Variants in NOTCH3 observed in about 807,000 individuals in gnomAD.
NOTCH3 encodes notch receptor 3, also known as neurogenic locus notch homolog protein 3.
NOTCH3 carries 86 observed loss-of-function variants against 213.3 expected under a neutral mutation model. That is an observed-to-expected ratio of 0.40 (90% CI 0.34 to 0.48). NOTCH3 has a LOEUF of 0.48. NOTCH3 is among the 20% of genes least tolerant of loss of function. The pLI, the probability that NOTCH3 is intolerant of heterozygous loss-of-function variation, is 0.57. For missense variants in NOTCH3, 2,783 were observed against 3,272.6 expected (o/e 0.85, Z 3.65); for synonymous variants, 1,354 against 1,355.9 (o/e 1.00, Z 0.03).
chr19:15,180,945 C>T lies in NOTCH3; in HGVS notation c.2994+16G>A, dbSNP rs749204482. On this transcript the variant is annotated intron_variant, in intron 18 of 32. Coordinates refer to ENST00000263388, the MANE Select transcript of NOTCH3 (RefSeq NM_000435.3). ...CAGGCAGGCTCCTCCCCCAGGTCCC[C>T]AGTAACTCCACCCACCTGGCACTGC... is the stretch of plus-strand genomic sequence containing the variant. The T allele has an allele frequency of 6.3e-7, 1 of 1,586,380 alleles. No homozygotes were observed. The highest frequency in any genetic ancestry group is 8.6e-7 in the Non-Finnish European group (1 of 1,167,410).
chr19:15,180,050 C>T (rs758398917), intron 20 of NOTCH3, 22 bp downstream of exon 20: 11 of 1,565,288 alleles, frequency 7.0e-6, no homozygotes, highest in Non-Finnish European at 8.8e-7. Flanking sequence ...CCTCTTCCCT[C>T]TCCTGGGGAG....
Position 15,161,611 on chromosome 19 carries a change from C to T in NOTCH3, c.6017G>A (p.Arg2006Lys). 6.2e-7 allele frequency: 1 copy of T among 1,613,304 alleles called. No homozygotes were observed. Among genetic ancestry groups the T allele is most frequent in the Non-Finnish European group, 8.5e-7 (1 of 1,179,748 alleles). ...ANREITDHLD[R>K]LPRDVAQERL... ...CTCCTGGGCTACGTCCCGCGGCAGC[C>T]TGTCCAGGTGGTCGGTGATCTCACG... The change falls in exon 33 of 33, where the codon AGG becomes AAG. Residue 2006 changes from arginine to lysine, a missense_variant. Around this residue, in one of 6 missense-constraint regions of NOTCH3, gnomAD observed 441 missense variants for 432.1 expected, o/e 1.02. Transcript: ENST00000263388.
chr19:15,188,847 A>G (rs2046904910), intron 8 of NOTCH3, 142 bp downstream of exon 8: 1 of 810,274 alleles, frequency 1.2e-6, no homozygotes, highest in Non-Finnish European at 2.0e-6. Context: ...TCTGGTCCTG[A>G]CCCCACCTCC....
At chr19:15,183,984 A>G (rs1408083472) in intron 16 of NOTCH3, among the ~76,000 whole-genome samples, 1 of 141,008 alleles carries the variant, frequency 7.1e-6, no homozygotes, top group Non-Finnish European at 1.5e-5. Flanking sequence ...CAGAGGTTGC[A>G]GTGAGCGATG....
At position 15,192,448 on chromosome 19, in the gene NOTCH3, C is replaced by T. The variant is rs754726425; in HGVS notation, c.269G>A (p.Arg90His). 47 of 1,612,488 alleles carry T rather than the reference C, an allele frequency of 2.9e-5. No homozygotes were observed. Among genetic ancestry groups the T allele is most frequent in the East Asian group, 1.1e-4 (5 of 44,880 alleles). ...DPCHSGPCAG[R>H]GVCQSSVVAG... The stretch of plus-strand genomic sequence containing the variant: ...CACCACTGAACTCTGGCAGACACCA[C>T]GGCCAGCACAGGGGCCTGAGTGACA... The change falls in exon 3 of 33, where the codon CGT becomes CAT. Residue 90 changes from arginine (R) to histidine (H), a missense_variant. By Grantham distance (29) the Arg-to-His change is conservative (BLOSUM62 0). Coordinates refer to ENST00000263388, the MANE Select transcript of NOTCH3 (RefSeq NM_000435.3).
At chr19:15,199,310 T>C (rs1281149768) in intron 1 of NOTCH3, among the ~76,000 whole-genome samples, 2 of 152,222 alleles carry the variant, frequency 1.3e-5, no homozygotes, top group Non-Finnish European at 2.9e-5. Context: ...ATGTGTGTGC[T>C]GTCTGTATGC....
At chr19:15,190,594 T>TC (rs1185483171) in intron 6 of NOTCH3, among the ~76,000 whole-genome samples, 3 of 152,174 alleles carry the variant, frequency 2.0e-5, no homozygotes, top group Admixed American at 6.6e-5. Flanking sequence ...TTTTTCTCTC[T>TC]CTTTTTTGTT....
At chr19:15,192,870 G>A (rs989011771) in intron 2 of NOTCH3, among the ~76,000 whole-genome samples, 15 of 152,216 alleles carry the variant, frequency 9.9e-5, no homozygotes, top group South Asian at 2.1e-4. Flanking sequence ...AGCCAAGATC[G>A]CGCCACTGCA....
chr19:15,178,835 A>G lies in NOTCH3; in HGVS notation c.3825T>C (p.Cys1275=). 6.3e-7 allele frequency: 1 copy of G among 1,596,404 alleles called. No individual in the cohort carries two copies. Among genetic ancestry groups the G allele is most frequent in the Non-Finnish European group, 8.5e-7 (1 of 1,171,258 alleles). ...PGPGGGLTFT[C]HCAQPFWGPR... is the part of the protein sequence containing the mutation. ...CACCCACACCTACCTGGGCACAGTG[A>G]CAGGTGAAGGTCAGCCCACCCCCAG... The change falls in exon 23 of 33, where the codon TGT becomes TGC. Residue 1275 remains cysteine, a synonymous_variant. Coordinates refer to ENST00000263388, the MANE Select transcript of NOTCH3 (RefSeq NM_000435.3).
chr19:15,185,677 G>A lies in NOTCH3; in HGVS notation c.1954C>T (p.Pro652Ser), dbSNP rs2145430582. 6.2e-7 allele frequency: 1 copy of A among 1,613,022 alleles called. No homozygotes were observed. The highest frequency in any genetic ancestry group is 8.5e-7 in the Non-Finnish European group (1 of 1,179,992). The change falls in exon 13 of 33, where the codon CCC becomes TCC. Residue 652 changes from proline to serine, a missense_variant and splice_region_variant. Pro to Ser is a moderately conservative substitution (Grantham distance 74). Transcript: ENST00000263388. This position sits in a 1 kb window ranked among gnomAD's most constrained non-coding sequence, Gnocchi z 4.2. ...TCATTGATCTCCACGTTACAAAGGG[G>A]CCCTGGGGAGTACACAAGCAATCTC... ...DCVCQPGFTG[P>S]LCNVEINECA...
chr19:15,188,239 G>A lies in NOTCH3; in HGVS notation c.1488C>T (p.Pro496=). ...TCCCTCTCCTGAGGTCCTCACCCGAGGGGCAGGTGCAGCTGAAGCCATTGA... is the reference window on the plus strand; with the variant it reads ...TCCCTCTCCTGAGGTCCTCACCCGAAGGGCAGGTGCAGCTGAAGCCATTGA... The part of the protein sequence containing the change: ...DRVNGFSCTC[P]SGFSGSTCQL... Residue 496 remains proline, a synonymous_variant, in exon 9 of 33, where the codon CCC becomes CCT. Coordinates refer to ENST00000263388, the MANE Select transcript of NOTCH3 (RefSeq NM_000435.3). 1 of 1,595,564 alleles carries A rather than the reference G, an allele frequency of 6.3e-7. No individual in the cohort carries two copies. Among genetic ancestry groups the A allele is most frequent in the East Asian group, 2.2e-5 (1 of 44,452 alleles).
intron 7 of NOTCH3, 24 bp from the exon 8 acceptor site, chr19:15,189,198 G>A (rs201415156): frequency 2.5e-6 from 4 of 1,613,178 alleles, no homozygotes; most frequent in Non-Finnish European, 3.4e-6. Flanking sequence ...TGCGATCGGT[G>A]TGGGCGTGGC....
rs200368079 is a variant in NOTCH3 at position 15,192,315 on chromosome 19, A to C, written c.341-17T>G. ...AGTCAGGGCCTGGAGGGACCAGGACAGGGTGAGTTTAGGACTGACCACACC... is the reference window on the plus strand; with the variant it reads ...AGTCAGGGCCTGGAGGGACCAGGACCGGGTGAGTTTAGGACTGACCACACC... On this transcript the variant is annotated splice_polypyrimidine_tract_variant and intron_variant, in intron 3 of 32. Transcript: ENST00000263388. 1.4e-5 allele frequency: 23 copies of C among 1,611,208 alleles called. No individual in the cohort carries two copies. In the Admixed American group the frequency reaches 3.2e-4, roughly 22 times the overall value.
chr19:15,174,334 C>G lies in NOTCH3; in HGVS notation c.4470G>C (p.Thr1490=), dbSNP rs756066740. 16 of 1,552,468 alleles carry G rather than the reference C, an allele frequency of 1.0e-5. No individual in the cohort carries two copies. The highest frequency in any genetic ancestry group is 1.4e-5 in the Non-Finnish European group (16 of 1,148,084). ...CCAGCCCATCCCAGCCGCACTCCTC[C>G]GTGTTGCAGCCCTGGTCGCAGCGGC... ...ADGRCDQGCN[T]EECGWDGLDC... is the part of the protein sequence containing the mutation. Residue 1490 remains threonine (T), a synonymous_variant, in exon 25 of 33, where the codon ACG becomes ACC. Coordinates refer to ENST00000263388, the MANE Select transcript of NOTCH3 (RefSeq NM_000435.3).
intron 28 of NOTCH3, 62 bp downstream of exon 28, chr19:15,170,024 C>T (rs1309594727): frequency 8.4e-6 from 8 of 951,062 alleles, no homozygotes; most frequent in Non-Finnish European, 1.3e-5. Flanking sequence ...ACTGGGGACC[C>T]CACCCAGTAC....
intron 28 of NOTCH3, among the ~76,000 whole-genome samples, chr19:15,169,210 CT>C (rs376197808): frequency 6.6e-6 from 1 of 150,732 alleles, no homozygotes; most frequent in Non-Finnish European, 1.5e-5. Flanking sequence ...CTCTCTCTCT[CT>C]CTCTCTCTCT....
chr19:15,190,631 G>T (rs145477165), intron 6 of NOTCH3, among the ~76,000 whole-genome samples: 268 of 152,276 alleles, frequency 1.8e-3, no homozygotes, highest in African/African-American at 6.2e-3. Context: ...TGTCTCCCAG[G>T]CTGGAACGCA....
In NOTCH3 at chr19:15,170,425, G is replaced by A. The variant is rs868385844; in HGVS notation, c.5020C>T (p.Leu1674Phe). 2 of 1,612,912 alleles carry A rather than the reference G, an allele frequency of 1.2e-6. No homozygotes were observed. Among genetic ancestry groups the A allele is most frequent in the Admixed American group, 1.7e-5 (1 of 60,016 alleles). ...VARRKREHSTLWFPEGFSLHK... is the reference protein window; with the variant it reads ...VARRKREHSTFWFPEGFSLHK... ...AGTGAGAAGCCCTCAGGGAACCAGA[G>A]GGTGCTGTGCTCGCGCTTGCGCCGG... The change falls in exon 27 of 33, where the codon CTC (leucine) becomes TTC (phenylalanine). Residue 1674 changes from leucine (L) to phenylalanine (F), a missense_variant. Leu to Phe is a conservative substitution (Grantham distance 22, BLOSUM62 0). This residue lies in a region of NOTCH3 where 636 missense variants were observed against 801.8 expected (regional missense o/e 0.79). Transcript: ENST00000263388.
rs563910199 is a variant in NOTCH3 at position 15,174,298 on chromosome 19, G to T, written c.4506C>A (p.Ser1502Arg). 6.4e-7 allele frequency: 1 copy of T among 1,557,030 alleles called. No individual in the cohort carries two copies. Residue 1502 changes from serine to arginine, a missense_variant, in exon 25 of 33, where the codon AGC becomes AGA. Ser to Arg is a moderately radical substitution (Grantham distance 110). Transcript: ENST00000263388. Reference protein sequence around the residue: ...ECGWDGLDCASEVPALLARGV... With the variant: ...ECGWDGLDCAREVPALLARGV... ...CGCGGGCCAGCAGGGCCGGCACCTC[G>T]CTGGCACAATCCAGCCCATCCCAGC...
Sources: gnomAD v4.1 joint callset for allele counts (sites outside exome capture counted in the v4.1 genomes callset) on GRCh38, gnomAD v4.1.1 for gene constraint, gnomAD v4.1.1 regional missense constraint, Gnocchi (gnomAD v3.1) non-coding constraint, MANE v1.5 for transcripts, NCBI Gene and HGNC (gene_info 2026-07-23, HGNC 2026-07-21) for gene names.